PPM1E: variants seen among roughly 807,000 people sequenced by gnomAD.
PPM1E encodes protein phosphatase 1E.
In PPM1E, 20 loss-of-function variants were observed where a neutral mutation model predicts 65.9. The observed-to-expected ratio is 0.30, with a 90% CI of 0.21 to 0.44. The LOEUF (loss-of-function observed/expected upper bound fraction) is 0.44, where lower values mean the gene tolerates loss of function less well. PPM1E is among the 20% of genes least tolerant of loss of function. PPM1E has a pLI of 1.00. For missense variants in PPM1E, 713 were observed against 953.1 expected (o/e 0.75, Z 3.32); for synonymous variants, 352 against 374.9 (o/e 0.94, Z 0.70).
rs1208026989 is a variant in PPM1E, at chr17:58,816,774, ATATATATATATATATATATATTTTTTTT to A, written c.464+60315_464+60342del. 2.0e-3 allele frequency among the ~76,000 whole-genome samples: 28 copies of A among 13,840 alleles called. 2 individuals carry two copies. The highest frequency in any genetic ancestry group is 3.9e-3 in the Non-Finnish European group (24 of 6,138). 9.1% of individuals were successfully genotyped at this position (13,840 alleles called of 152,430 possible). A position where few individuals can be genotyped will look rare whatever the true frequency, so the allele number is the denominator to read the frequency against. On this transcript the variant is annotated intron_variant, in intron 1 of 6. Transcript: ENST00000308249. ...TATATATATATATATATATATATAT[ATATATATATATATATATATATTTTTTTT>A]TTTTTTTTTTTGAGACAGGGTCTTA...
intron 1 of PPM1E, among the ~76,000 whole-genome samples, chr17:58,875,312 A>G (rs764278191): frequency 2.6e-5 from 4 of 152,202 alleles, no homozygotes; most frequent in Non-Finnish European, 5.9e-5. Context: ...AAAAGAACCA[A>G]TGAAAGAAAG....
chr17:58,784,171 C>G (rs1456949847), intron 1 of PPM1E, among the ~76,000 whole-genome samples: 1 of 151,734 alleles, frequency 6.6e-6, no homozygotes, highest in Non-Finnish European at 1.5e-5. Flanking sequence ...TACAGGTACG[C>G]ACCACCACAC....
chr17:58,979,830 A>G, intron 6 of PPM1E, 144 bp from the exon 7 acceptor site: 1 of 681,704 alleles, frequency 1.5e-6, no homozygotes, highest in Non-Finnish European at 2.4e-6. Flanking sequence ...GTATTTTGTC[A>G]AAAACTATTT....
intron 1 of PPM1E, among the ~76,000 whole-genome samples, chr17:58,928,057 C>T (rs1035400082): frequency 8.0e-5 from 12 of 150,578 alleles, no homozygotes; most frequent in Non-Finnish European, 1.0e-4. Flanking sequence ...AAGACTCCAT[C>T]TCAATTAAAA....
At chr17:58,939,825 A>T (rs1473315106) in intron 1 of PPM1E, among the ~76,000 whole-genome samples, 1 of 152,220 alleles carries the variant, frequency 6.6e-6, no homozygotes, top group Non-Finnish European at 1.5e-5. Context: ...TTTTGTTCTC[A>T]GGATGTGAAT....
chr17:58,875,694 C>A (rs759338870), intron 1 of PPM1E, among the ~76,000 whole-genome samples: 3 of 152,116 alleles, frequency 2.0e-5, no homozygotes, highest in Admixed American at 6.5e-5. Flanking sequence ...GATTCACAGA[C>A]AATCACAGTT....
intron 1 of PPM1E, among the ~76,000 whole-genome samples, chr17:58,806,429 A>AT (rs1352962901): frequency 2.2e-5 from 3 of 139,036 alleles, no homozygotes; most frequent in Admixed American, 2.1e-4. Context: ...AATAAATGGT[A>AT]AAAAAAAAAA....
intron 1 of PPM1E, among the ~76,000 whole-genome samples, chr17:58,934,087 C>CAAAAAA (rs11316368): frequency 2.5e-5 from 2 of 80,114 alleles, no homozygotes; most frequent in African/African-American, 4.8e-5. Flanking sequence ...GACTTCGTAT[C>CAAAAAA]AAAAAAAAAA....
intron 1 of PPM1E, among the ~76,000 whole-genome samples, chr17:58,853,331 C>A (rs190451744): frequency 4.3e-4 from 65 of 152,120 alleles, no homozygotes; most frequent in African/African-American, 1.4e-3. Context: ...TTGTGGATAT[C>A]CAGTTTTTCC....
intron 1 of PPM1E, among the ~76,000 whole-genome samples, chr17:58,816,612 T>C (rs190987298): frequency 6.6e-6 from 1 of 150,808 alleles, no homozygotes; most frequent in Non-Finnish European, 1.5e-5. Context: ...TGTCTATGAA[T>C]TGCCTATTTT....
chr17:58,853,701 GTCTGTAA>G (rs1405007566), intron 1 of PPM1E, among the ~76,000 whole-genome samples: 1 of 152,156 alleles, frequency 6.6e-6, no homozygotes, highest in East Asian at 1.9e-4. Context: ...GATGGCACAC[GTCTGTAA>G]TCCCAGCTAT....
chr17:58,887,612 CAGAG>C (rs765794764), intron 1 of PPM1E, among the ~76,000 whole-genome samples: 1 of 152,116 alleles, frequency 6.6e-6, no homozygotes, highest in Admixed American at 6.6e-5. Flanking sequence ...TGAGGAATGA[CAGAG>C]AGATTTGTGT....
chr17:58,885,944 C>T (rs924157892), intron 1 of PPM1E, among the ~76,000 whole-genome samples: 2 of 152,176 alleles, frequency 1.3e-5, no homozygotes, highest in African/African-American at 4.8e-5. Flanking sequence ...TTTGTGCTTC[C>T]TCACTACCCA....
intron 1 of PPM1E, among the ~76,000 whole-genome samples, chr17:58,792,942 CAG>C (rs1446377956): frequency 5.3e-5 from 8 of 151,482 alleles, no homozygotes; most frequent in Non-Finnish European, 1.0e-4. Flanking sequence ...TTAGTAGAGA[CAG>C]GGTTTCACCA....
At chr17:58,826,794 T>G (rs1342340638) in intron 1 of PPM1E, among the ~76,000 whole-genome samples, 1 of 150,554 alleles carries the variant, frequency 6.6e-6, no homozygotes, top group Admixed American at 6.6e-5. Flanking sequence ...CCTGGCTAAT[T>G]TTTTTTTTGT....
intron 1 of PPM1E, among the ~76,000 whole-genome samples, chr17:58,947,535 C>A (rs1386801199): frequency 6.7e-6 from 1 of 149,160 alleles, no homozygotes; most frequent in African/African-American, 2.5e-5. Flanking sequence ...CTGCACCTGG[C>A]CTTTTTTTTT....
intron 2 of PPM1E, among the ~76,000 whole-genome samples, chr17:58,961,474 G>A (rs1311504640): frequency 1.3e-5 from 2 of 152,298 alleles, no homozygotes; most frequent in East Asian, 1.9e-4. Context: ...ATAGAATGTA[G>A]CAAATACTCA....
At chr17:58,833,572 A>G (rs2050625601) in intron 1 of PPM1E, among the ~76,000 whole-genome samples, 1 of 151,794 alleles carries the variant, frequency 6.6e-6, no homozygotes, top group African/African-American at 2.4e-5. Flanking sequence ...TTCTTTTTTT[A>G]TGGCTGGATA....
chr17:58,930,102 A>G (rs1164292993), intron 1 of PPM1E, among the ~76,000 whole-genome samples: 2 of 152,072 alleles, frequency 1.3e-5, no homozygotes, highest in Non-Finnish European at 1.5e-5. Flanking sequence ...ATTTATAAGA[A>G]TCAAGTATCT....
Sources: gnomAD v4.1 joint callset for allele counts (sites outside exome capture counted in the v4.1 genomes callset) on GRCh38, gnomAD v4.1.1 for gene constraint, MANE v1.5 for transcripts, NCBI Gene and HGNC (gene_info 2026-07-23, HGNC 2026-07-21) for gene names.